Variants in TMC3 observed in about 807,000 individuals in gnomAD.
The protein encoded by TMC3 is transmembrane channel-like protein 3.
TMC3 carries 98 observed loss-of-function variants against 110.6 expected under a neutral mutation model. The observed-to-expected ratio is 0.89, with a 90% confidence interval of 0.75 to 1.05. The LOEUF (loss-of-function observed/expected upper bound fraction) is 1.05, where lower values mean the gene tolerates loss of function less well. Among genes scored for constraint, TMC3 ranks in the 50% least tolerant of loss-of-function variants. The pLI is 0.00. For missense variants in TMC3, 1,319 were observed against 1,373.2 expected (o/e 0.96, Z 0.62); for synonymous variants, 489 against 513.1 (o/e 0.95, Z 0.63).
chr15:81,357,834 C>T (rs1894098633), intron 7 of TMC3, among the ~76,000 whole-genome samples: 1 of 152,178 alleles, frequency 6.6e-6, no homozygotes. Flanking sequence ...CTGGTAAATC[C>T]ATATGATTCT....
At chr15:81,344,653 C>G in intron 13 of TMC3, 113 bp downstream of exon 13, 2 of 1,093,506 alleles carry the variant, frequency 1.8e-6, no homozygotes, top group South Asian at 3.2e-5. Flanking sequence ...AATCATAAAC[C>G]TCACTGAACT....
intron 9 of TMC3, 49 bp from the exon 10 acceptor site, chr15:81,351,890 G>A (rs1222863398): frequency 3.8e-6 from 6 of 1,588,636 alleles, no homozygotes; most frequent in Admixed American, 1.7e-5. Flanking sequence ...CCTGCTCACA[G>A]CACCACGATG....
chr15:81,373,918 T>C (rs1894492479), intron 1 of TMC3, 71 bp downstream of exon 1: 4 of 1,407,544 alleles, frequency 2.8e-6, no homozygotes, highest in Admixed American at 1.9e-5. Flanking sequence ...TGTCCCTCGC[T>C]CTGGTGACCC....
rs1490688175 is a variant in TMC3 at position 81,362,215 on chromosome 15, C to T, written c.394+5G>A. 1 of 1,603,500 alleles carries T rather than the reference C, an allele frequency of 6.2e-7. No homozygotes were observed. Among genetic ancestry groups the T allele is most frequent in the Non-Finnish European group, 8.5e-7 (1 of 1,174,464 alleles). ...CTGCCCCACTCTCCAGGTGTAAATACTTACTCTCGATTTTCTTTATCCTCA... is the reference window on the plus strand; with the variant it reads ...CTGCCCCACTCTCCAGGTGTAAATATTTACTCTCGATTTTCTTTATCCTCA... On this transcript the variant is annotated splice_donor_5th_base_variant and intron_variant, in intron 4 of 21. Transcript: ENST00000359440.
chr15:81,332,949 C>T lies in TMC3; in HGVS notation c.2773G>A (p.Val925Met), dbSNP rs373286005. The change falls in exon 22 of 22, where the codon GTG (valine) becomes ATG (methionine). Residue 925 changes from valine (V) to methionine (M), a missense_variant. Transcript: ENST00000359440. Reference protein sequence around the residue: ...GDIVELYPRNVRQYASRVPRQ... With the variant: ...GDIVELYPRNMRQYASRVPRQ... ...GGGACCCGGGATGCATATTGTCGCA[C>T]GTTCCTGGGGTACAGCTCCACAATG... 69 of 1,612,198 alleles carry T rather than the reference C, an allele frequency of 4.3e-5. 1 individual carries two copies. Among genetic ancestry groups the T allele is most frequent in the South Asian group, 3.5e-4 (32 of 90,930 alleles).
Position 81,356,461 on chromosome 15 carries a change from C to A in TMC3, c.877G>T (p.Val293Leu). ...EAAESKTAAI[V>L]NSIREAILEE... The stretch of plus-strand genomic sequence containing the variant: ...CACTCACTCACCCTGATGCTGTTCA[C>A]TATGGCAGCTGTTTTGCTCTCTGCA... The change falls in exon 8 of 22, where the codon GTG (valine) becomes TTG (leucine). Residue 293 changes from valine (V) to leucine (L), a missense_variant. Physicochemically the swap from Val to Leu is conservative, Grantham distance 32. Transcript: ENST00000359440. 6.4e-7 allele frequency: 1 copy of A among 1,567,804 alleles called. No individual in the cohort carries two copies. Among genetic ancestry groups the A allele is most frequent in the East Asian group, 2.4e-5 (1 of 42,254 alleles).
chr15:81,344,661 ACTTTT>A (rs1331627343), intron 13 of TMC3, 100 bp downstream of exon 13: 8 of 1,179,086 alleles, frequency 6.8e-6, no homozygotes, highest in Middle Eastern at 5.9e-4. Context: ...ACCTCACTGA[ACTTTT>A]CTTTTTTCTA....
chr15:81,343,832 A>C, intron 14 of TMC3, 85 bp downstream of exon 14: 3 of 1,497,366 alleles, frequency 2.0e-6, no homozygotes, highest in Non-Finnish European at 2.7e-6. Flanking sequence ...CCCCTCAACT[A>C]TGCTGGACTG....
chr15:81,338,797 CAT>C lies in TMC3; in HGVS notation c.1956-19_1956-18del. On this transcript the variant is annotated intron_variant, in intron 17 of 21. Transcript: ENST00000359440. ...TCTTGTCCACTGTGAGAAAGAAAAA[CAT>C]AACTCCAGATTTTATTGCTCTTGGC... The C allele has an allele frequency of 6.2e-7, 1 of 1,612,632 alleles. No individual in the cohort carries two copies. The highest frequency in any genetic ancestry group is 2.2e-5 in the East Asian group (1 of 44,854).
rs11634486 is a variant in TMC3, at chr15:81,374,188, G to A, written c.-111C>T. 542,670 of 871,622 alleles carry A rather than the reference G, an allele frequency of 0.62. 176,964 individuals are homozygous for A. The highest frequency in any genetic ancestry group is 0.7 in the Non-Finnish European group (376,929 of 539,388). 54.0% of individuals were successfully genotyped at this position (871,622 alleles called of 1,614,324 possible). ...GGAAGCAGCGGAGTTTGCTCTGCCCGCTAGTTCTCAGGAAGAAGACTGTGT... is the reference window on the plus strand; with the variant it reads ...GGAAGCAGCGGAGTTTGCTCTGCCCACTAGTTCTCAGGAAGAAGACTGTGT... On this transcript the variant is annotated 5_prime_UTR_variant, in exon 1 of 22. Coordinates refer to ENST00000359440, the MANE Select transcript of TMC3 (RefSeq NM_001080532.3).
rs376707241 is a variant in TMC3 at position 81,338,671 on chromosome 15, C to T, written c.2065G>A (p.Ala689Thr). The change falls in exon 18 of 22, where the codon GCA becomes ACA. Residue 689 changes from alanine (A) to threonine (T), a missense_variant. Transcript: ENST00000359440. ...HISSPVVILP[A>T]VLLLFMLIYY... ...GGTACTCACAAAAGCAGGAGTACTGCGGGCAGGATGACCACGGGGCTACTG... is the reference window on the plus strand; with the variant it reads ...GGTACTCACAAAAGCAGGAGTACTGTGGGCAGGATGACCACGGGGCTACTG... 1.4e-5 allele frequency: 22 copies of T among 1,613,830 alleles called. No homozygotes were observed. The highest frequency in any genetic ancestry group is 6.7e-5 in the Admixed American group (4 of 59,998).
chr15:81,339,048 G>C (rs559088735), intron 17 of TMC3, among the ~76,000 whole-genome samples: 145 of 152,328 alleles, frequency 9.5e-4, no homozygotes, highest in Admixed American at 9.5e-3. Flanking sequence ...AGAGGGTTTT[G>C]CTTGAATACA....
chr15:81,364,482 T>G (rs1417695867), intron 3 of TMC3, among the ~76,000 whole-genome samples: 2 of 134,532 alleles, frequency 1.5e-5, no homozygotes, highest in African/African-American at 5.7e-5. Context: ...AATTGAACAA[T>G]GAGATCACAT....
chr15:81,351,348 CTTTTTTTTTTTTT>C (rs35807579), intron 10 of TMC3, among the ~76,000 whole-genome samples: 1 of 101,302 alleles, frequency 9.9e-6, no homozygotes, highest in South Asian at 2.7e-4. Flanking sequence ...CTCTCTCTCT[CTTTTTTTTTTTTT>C]TTTTTTTTTG....
At chr15:81,339,136 T>A (rs1007367788) in intron 17 of TMC3, among the ~76,000 whole-genome samples, 3 of 152,230 alleles carry the variant, frequency 2.0e-5, no homozygotes, top group Non-Finnish European at 4.4e-5. Flanking sequence ...AGGTAGAATG[T>A]CCTCTAGCAC....
chr15:81,355,604 AG>A, intron 9 of TMC3, 120 bp downstream of exon 9: 1 of 725,306 alleles, frequency 1.4e-6, no homozygotes, highest in Non-Finnish European at 2.4e-6. Flanking sequence ...ATTATGAGAA[AG>A]GAAGAAAGAA....
Position 81,333,402 on chromosome 15 carries a change from A to G in TMC3, c.2460-140T>C, listed in dbSNP as rs753729709. 16 of 1,191,100 alleles carry G rather than the reference A, an allele frequency of 1.3e-5. No individual in the cohort carries two copies. In the African/African-American group the frequency reaches 2.2e-4, roughly 16 times the overall value. The allele number at this position is 1,191,100 out of a possible 1,614,324, so 73.8% of individuals were successfully genotyped here. On this transcript the variant is annotated intron_variant, in intron 21 of 21. Coordinates refer to ENST00000359440, the MANE Select transcript of TMC3 (RefSeq NM_001080532.3). Reference sequence around the variant, plus strand: ...TGGTTAATGGGTATGGATTGTGTGCACAGAGACATTTGGGGGACAGGGCTA... The same window carrying G: ...TGGTTAATGGGTATGGATTGTGTGCGCAGAGACATTTGGGGGACAGGGCTA...
At chr15:81,349,771 T>TTTTTG (rs1893904813) in intron 10 of TMC3, among the ~76,000 whole-genome samples, 1 of 151,048 alleles carries the variant, frequency 6.6e-6, no homozygotes, top group African/African-American at 2.5e-5. Context: ...TTTTTTTTTT[T>TTTTTG]TTTTTTGAAC....
intron 2 of TMC3, among the ~76,000 whole-genome samples, chr15:81,371,001 G>C (rs1259630481): frequency 6.6e-6 from 1 of 151,782 alleles, no homozygotes; most frequent in African/African-American, 2.4e-5. Context: ...TTTTTAAAGA[G>C]TAATTGCTCC....
Sources: allele counts gnomAD v4.1 joint callset (sites outside exome capture counted in the v4.1 genomes callset), GRCh38; gene constraint gnomAD v4.1.1; transcripts MANE v1.5; gene names NCBI Gene and HGNC (gene_info 2026-07-23, HGNC 2026-07-21).